The following IRAK1BP1 variants were observed in gnomAD, a reference collection of about 807,000 sequenced individuals.
The protein encoded by IRAK1BP1 is interleukin 1 receptor associated kinase 1 binding protein 1, also known as interleukin-1 receptor-associated kinase 1-binding protein 1.
Under a neutral mutation model 28.0 loss-of-function variants are expected in IRAK1BP1, and 24 were observed. The ratio of observed to expected loss-of-function variants is 0.86; its 90% CI spans 0.62 to 1.20. IRAK1BP1 has a LOEUF of 1.20. Among genes scored for constraint, IRAK1BP1 ranks in the 50% most tolerant of loss-of-function variants. The probability of loss-of-function intolerance (pLI) is 0.00; values close to 1 mark genes in which losing one functional copy is unlikely to be tolerated. For missense variants in IRAK1BP1, 336 were observed against 316.7 expected (o/e 1.06, Z -0.46); for synonymous variants, 131 against 116.3 (o/e 1.13, Z -0.81).
At chr6:78,907,212 G>A (rs1772284495), downstream of IRAK1BP1, among the ~76,000 whole-genome samples, 1 of 152,068 alleles carries the variant, frequency 6.6e-6, no homozygotes, top group African/African-American at 2.4e-5. Context: ...AAAATGCTAG[G>A]TGTTTTTCTA....
downstream of IRAK1BP1, among the ~76,000 whole-genome samples, chr6:78,951,112 G>T (rs1035226048): frequency 6.6e-6 from 1 of 152,050 alleles, no homozygotes; most frequent in Non-Finnish European, 1.5e-5. Context: ...TTATTTAGAG[G>T]TGGGCTCTTT....
At chr6:78,958,867 T>C in the IRAK1BP1 span, among the ~76,000 whole-genome samples, 21 of 151,990 alleles carry the variant, frequency 1.4e-4, no homozygotes, top group African/African-American at 2.4e-5. Flanking sequence ...AGGGAGAACG[T>C]CTATATGGGG....
chr6:78,889,615 A>G (rs1270632741), intron 2 of IRAK1BP1, among the ~76,000 whole-genome samples: 1 of 151,936 alleles, frequency 6.6e-6, no homozygotes, highest in African/African-American at 2.4e-5. Flanking sequence ...GTTGGAGGGT[A>G]TGAACAGACA....
chr6:78,885,523 G>T, intron 2 of IRAK1BP1, 80 bp downstream of exon 2: 2 of 634,174 alleles, frequency 3.2e-6, no homozygotes, highest in Non-Finnish European at 5.4e-6. Flanking sequence ...AATGAATGGT[G>T]AAAAATGCTT....
chr6:78,883,212 G>A (rs1050096894), intron 1 of IRAK1BP1, among the ~76,000 whole-genome samples: 3 of 152,152 alleles, frequency 2.0e-5, no homozygotes, highest in Non-Finnish European at 4.4e-5. Flanking sequence ...GGTGAGCCAT[G>A]CTTGTACCAC....
At chr6:78,873,891 T>C (rs1770889555) in intron 1 of IRAK1BP1, among the ~76,000 whole-genome samples, 1 of 152,228 alleles carries the variant, frequency 6.6e-6, no homozygotes, top group Non-Finnish European at 1.5e-5. Flanking sequence ...TTCTCTTAAA[T>C]AGGTAAGTAG....
chr6:78,889,885 C>T (rs771636455), intron 2 of IRAK1BP1, among the ~76,000 whole-genome samples: 4 of 151,956 alleles, frequency 2.6e-5, no homozygotes, highest in African/African-American at 4.8e-5. Context: ...ATCTAAAACC[C>T]GAAATACCAT....
chr6:78,912,798 G>A (rs750815218), intron 4 of IRAK1BP1, among the ~76,000 whole-genome samples: 19 of 152,242 alleles, frequency 1.2e-4, no homozygotes, highest in Non-Finnish European at 1.8e-4. Flanking sequence ...CGTATGAAGA[G>A]ACAAAGAATA....
the IRAK1BP1 span, among the ~76,000 whole-genome samples, chr6:78,976,580 G>T: frequency 7.3e-6 from 1 of 137,206 alleles, no homozygotes; most frequent in East Asian, 2.3e-4. Context: ...CCATCAGAGT[G>T]AACAGGCAAC....
the IRAK1BP1 span, among the ~76,000 whole-genome samples, chr6:78,968,473 G>A: frequency 3.3e-5 from 5 of 152,188 alleles, no homozygotes; most frequent in East Asian, 3.9e-4. Flanking sequence ...ATATGGAAGG[G>A]CCAACTTTTC....
chr6:78,978,637 A>G, the IRAK1BP1 span: 1 of 1,595,140 alleles, frequency 6.3e-7, no homozygotes, highest in Non-Finnish European at 8.6e-7. Flanking sequence ...GGGGAATGGT[A>G]TCTGTAATCC....
chr6:78,902,938 T>C lies in IRAK1BP1; in HGVS notation c.*4604T>C, dbSNP rs1332963703. ...TTCAAGAAGGATTGTTTTCTACTAT[T>C]AAAACAATAAAACTCTTATAAACCT... On this transcript the variant is annotated 3_prime_UTR_variant, in exon 4 of 4. Transcript: ENST00000369940. 3.3e-6 allele frequency: 3 copies of C among 902,962 alleles called. No homozygotes were observed. Among genetic ancestry groups the C allele is most frequent in the Non-Finnish European group, 5.1e-6 (3 of 586,070 alleles). The allele number at this position is 902,962 out of a possible 1,614,324, so 55.9% of individuals were successfully genotyped here.
At chr6:78,914,707 A>G (rs139012529) in intron 4 of IRAK1BP1, among the ~76,000 whole-genome samples, 2 of 152,376 alleles carry the variant, frequency 1.3e-5, no homozygotes, top group Non-Finnish European at 2.9e-5. Flanking sequence ...ACATGTAATG[A>G]TGGAACAACT....
At chr6:78,870,253 AAAAAG>A (rs1770750468) in intron 1 of IRAK1BP1, among the ~76,000 whole-genome samples, 1 of 152,030 alleles carries the variant, frequency 6.6e-6, no homozygotes, top group Non-Finnish European at 1.5e-5. Context: ...TCTCAAAAAA[AAAAAG>A]AAAAGAAAAG....
the IRAK1BP1 span, chr6:78,958,491 G>A: frequency 6.5e-7 from 1 of 1,535,136 alleles, no homozygotes; most frequent in African/African-American, 1.4e-5. Flanking sequence ...AAATGTAGAA[G>A]AAGATCAGTC....
chr6:78,931,775 T>C (rs1773051440), intron 4 of IRAK1BP1, among the ~76,000 whole-genome samples: 1 of 152,224 alleles, frequency 6.6e-6, no homozygotes, highest in Non-Finnish European at 1.5e-5. Context: ...GCTCCAATGT[T>C]GATGCCTGCT....
intron 4 of IRAK1BP1, among the ~76,000 whole-genome samples, chr6:78,925,178 G>A (rs1403233086): frequency 6.6e-6 from 1 of 151,948 alleles, no homozygotes; most frequent in Non-Finnish European, 1.5e-5. Flanking sequence ...TTGGGGTGGG[G>A]GTATGGGGGA....
the IRAK1BP1 span, among the ~76,000 whole-genome samples, chr6:78,959,848 CA>C: frequency 1.6e-4 from 24 of 152,174 alleles, no homozygotes; most frequent in Non-Finnish European, 2.5e-4. Flanking sequence ...ACTGTAAATT[CA>C]AAATACCATT....
downstream of IRAK1BP1, chr6:78,946,746 G>C: frequency 6.3e-7 from 1 of 1,588,914 alleles, no homozygotes; most frequent in African/African-American, 1.4e-5. Flanking sequence ...AGCTGCTTCT[G>C]TTTCTTTTCT....
Sources: allele counts gnomAD v4.1 joint callset (sites outside exome capture counted in the v4.1 genomes callset), GRCh38; gene constraint gnomAD v4.1.1; transcripts MANE v1.5; gene names NCBI Gene and HGNC (gene_info 2026-07-23, HGNC 2026-07-21).